KLHL1: variants seen among roughly 807,000 people sequenced by gnomAD.
KLHL1 encodes kelch like family member 1.
Under a neutral mutation model 77.7 loss-of-function variants are expected in KLHL1, and 47 were observed. That is an observed-to-expected ratio of 0.60 (90% CI 0.48 to 0.77). The LOEUF (loss-of-function observed/expected upper bound fraction) is 0.77, where lower values mean the gene tolerates loss of function less well. Ranked by LOEUF, KLHL1 falls within the 30% of genes least tolerant of loss-of-function variation. KLHL1 has a pLI of 0.00. For missense variants in KLHL1, 925 were observed against 910.8 expected (o/e 1.02, Z -0.20); for synonymous variants, 360 against 325.2 (o/e 1.11, Z -1.15).
intron 1 of KLHL1, among the ~76,000 whole-genome samples, chr13:70,043,240 A>C (rs1593698453): frequency 7.5e-6 from 1 of 134,158 alleles, no homozygotes; most frequent in South Asian, 2.1e-4. Context: ...TTTAAATACT[A>C]AAAAAAAATA....
chr13:69,834,789 T>C (rs1210495568), intron 6 of KLHL1, among the ~76,000 whole-genome samples: 1 of 152,106 alleles, frequency 6.6e-6, no homozygotes, highest in African/African-American at 2.4e-5. Context: ...TTCATACTTG[T>C]AGTTTTGAAT....
intron 4 of KLHL1, among the ~76,000 whole-genome samples, chr13:69,883,876 C>T (rs1243496124): frequency 6.6e-6 from 1 of 152,212 alleles, no homozygotes; most frequent in Non-Finnish European, 1.5e-5. Flanking sequence ...TGCTCCACCT[C>T]TCCCCATGTC....
intron 1 of KLHL1, among the ~76,000 whole-genome samples, chr13:69,996,346 A>C (rs1885152701): frequency 6.6e-6 from 1 of 152,036 alleles, no homozygotes; most frequent in African/African-American, 2.4e-5. Context: ...GAAATATTAA[A>C]GAGTAGAGAT....
chr13:69,883,928 CT>C (rs1881099330), intron 4 of KLHL1, among the ~76,000 whole-genome samples: 3 of 152,126 alleles, frequency 2.0e-5, no homozygotes, highest in African/African-American at 7.2e-5. Flanking sequence ...TTCTCAGGTT[CT>C]AGTTTTAAAG....
In KLHL1 at chr13:70,021,717, C is replaced by A. The variant is rs185244949; in HGVS notation, c.498-45915G>T. Among the ~76,000 whole-genome samples the A allele has an allele frequency of 1.1e-3, 164 of 152,130 alleles. 1 individual carries two copies. Among genetic ancestry groups the A allele is most frequent in the African/African-American group, 3.7e-3 (153 of 41,550 alleles). ...ATCCTAATAGGTGCCTCAAGTGAAG[C>A]CCCAAAGACTCTTCACATCAAGTGA... On this transcript the variant is annotated intron_variant, in intron 1 of 10. Coordinates refer to ENST00000377844, the MANE Select transcript of KLHL1 (RefSeq NM_020866.3).
chr13:69,879,155 G>A (rs1440904931), intron 5 of KLHL1, among the ~76,000 whole-genome samples: 2 of 152,114 alleles, frequency 1.3e-5, no homozygotes, highest in Admixed American at 6.6e-5. Flanking sequence ...GTATACATAT[G>A]TAACAAACCT....
chr13:70,060,576 G>T (rs868328380), intron 1 of KLHL1, among the ~76,000 whole-genome samples: 1 of 152,064 alleles, frequency 6.6e-6, no homozygotes, highest in Non-Finnish European at 1.5e-5. Flanking sequence ...CAGGTGCATG[G>T]CTCATGCCTG....
intron 4 of KLHL1, among the ~76,000 whole-genome samples, chr13:69,895,790 A>G (rs1822645770): frequency 6.7e-6 from 1 of 148,598 alleles, no homozygotes; most frequent in African/African-American, 2.5e-5. Context: ...CACTGCAGCT[A>G]CCATCTCCCA....
At chr13:69,720,195 A>G (rs1263359515) in intron 8 of KLHL1, among the ~76,000 whole-genome samples, 1 of 152,142 alleles carries the variant, frequency 6.6e-6, no homozygotes, top group Non-Finnish European at 1.5e-5. Flanking sequence ...TGATACACTC[A>G]TCTTGCTATA....
chr13:69,846,280 AT>A (rs2138122995), intron 5 of KLHL1, among the ~76,000 whole-genome samples: 1 of 151,678 alleles, frequency 6.6e-6, no homozygotes, highest in African/African-American at 2.4e-5. Flanking sequence ...CTATCTCCTT[AT>A]AACCTTGTCA....
At chr13:70,077,662 A>G (rs557484480) in intron 1 of KLHL1, among the ~76,000 whole-genome samples, 1 of 152,158 alleles carries the variant, frequency 6.6e-6, no homozygotes, top group African/African-American at 2.4e-5. Context: ...TGTGTTAATA[A>G]TAGGGGAAAT....
intron 8 of KLHL1, among the ~76,000 whole-genome samples, chr13:69,733,812 T>A (rs1873654541): frequency 6.6e-6 from 1 of 152,144 alleles, no homozygotes; most frequent in African/African-American, 2.4e-5. Flanking sequence ...AGCACAAGAA[T>A]AAGTAAAGCC....
intron 1 of KLHL1, among the ~76,000 whole-genome samples, chr13:70,100,280 A>G (rs546783178): frequency 6.6e-6 from 1 of 152,072 alleles, no homozygotes; most frequent in East Asian, 1.9e-4. Flanking sequence ...TAATTTATTA[A>G]TATTATAACA....
chr13:69,719,555 C>T lies in KLHL1; in HGVS notation c.1829G>A (p.Gly610Glu). 1 of 1,612,762 alleles carries T rather than the reference C, an allele frequency of 6.2e-7. No individual in the cohort carries two copies. Among genetic ancestry groups the T allele is most frequent in the Non-Finnish European group, 8.5e-7 (1 of 1,179,348 alleles). ...GKLYSVGGRD[G>E]SSCLSSMEYY... is the part of the protein sequence containing the mutation. ...TTCCATTGAACTCAAACAGGAACTT[C>T]CATCACGACCTCCAACTGAATACAA... Residue 610 changes from glycine (G) to glutamate (E), a missense_variant, in exon 9 of 11, where the codon GGA becomes GAA. Gly to Glu is a moderately conservative substitution (Grantham distance 98). Transcript: ENST00000377844.
chr13:69,780,612 C>T (rs953816620), intron 7 of KLHL1, among the ~76,000 whole-genome samples: 35 of 146,484 alleles, frequency 2.4e-4, no homozygotes, highest in African/African-American at 7.5e-4. Flanking sequence ...ATTCATTACT[C>T]ATTGTTATAT....
chr13:70,068,353 AAAAACAAAAACAAAAAC>A (rs1031303551), intron 1 of KLHL1, among the ~76,000 whole-genome samples: 8 of 137,600 alleles, frequency 5.8e-5, no homozygotes, highest in Non-Finnish European at 9.1e-5. Context: ...AAACAAAAAC[AAAAACAAAAACAAAAAC>A]AAAAAAAAAG....
intron 9 of KLHL1, among the ~76,000 whole-genome samples, chr13:69,717,057 A>G (rs1253070002): frequency 6.6e-6 from 1 of 152,126 alleles, no homozygotes; most frequent in Non-Finnish European, 1.5e-5. Flanking sequence ...TTGAGGTGCC[A>G]GTATTATTTG....
chr13:69,867,528 T>C (rs1880409348), intron 5 of KLHL1, among the ~76,000 whole-genome samples: 1 of 152,000 alleles, frequency 6.6e-6, no homozygotes, highest in African/African-American at 2.4e-5. Context: ...AAAAAACAAA[T>C]TTTCAGTCAG....
At chr13:69,846,525 T>A (rs3012100) in intron 5 of KLHL1, among the ~76,000 whole-genome samples, 141,566 of 151,478 alleles carry the variant, frequency 0.93, 66,377 homozygotes, top group East Asian at 0.99. Context: ...TATTTTCCCT[T>A]CAGTTACCTG....
Sources: gnomAD v4.1 joint callset for allele counts (sites outside exome capture counted in the v4.1 genomes callset) on GRCh38, gnomAD v4.1.1 for gene constraint, MANE v1.5 for transcripts, NCBI Gene and HGNC (gene_info 2026-07-23, HGNC 2026-07-21) for gene names.